ADGRG4: variants seen among roughly 807,000 people sequenced by gnomAD.
ADGRG4 encodes the protein adhesion G protein-coupled receptor G4.
ADGRG4 carries 122 observed loss-of-function variants against 126.2 expected under a neutral mutation model. That is an observed-to-expected ratio of 0.97 (90% CI 0.83 to 1.12). ADGRG4 has a LOEUF of 1.12. Ranked by LOEUF, ADGRG4 falls within the 50% of genes most tolerant of loss-of-function variation. The pLI is 0.00. For synonymous variants in ADGRG4, 943 were observed against 838.7 expected, an observed-to-expected ratio of 1.12 and a Z score of -2.15; for missense variants, 2,481 against 2,251.8, an observed-to-expected ratio of 1.10 and a Z score of -2.06.
At chrX:136,411,675 C>T (rs2075447082) in intron 23 of ADGRG4, among the ~76,000 whole-genome samples, 1 of 112,562 alleles carries the variant, frequency 8.9e-6, no homozygotes, top group Non-Finnish European at 1.9e-5. Flanking sequence ...GACTCAGGGA[C>T]TGTCGTGAAG....
At chrX:136,307,227 A>G (rs186905386) in intron 3 of ADGRG4, among the ~76,000 whole-genome samples, 1 of 112,313 alleles carries the variant, frequency 8.9e-6, no homozygotes, top group Non-Finnish European at 1.9e-5. Context: ...TGCTTTGAAA[A>G]TTGCCTTCGA....
intron 15 of ADGRG4, among the ~76,000 whole-genome samples, chrX:136,378,385 G>A (rs1484110582): frequency 9.0e-6 from 1 of 111,240 alleles, no homozygotes; most frequent in Non-Finnish European, 1.9e-5. Flanking sequence ...TCTAGTAATT[G>A]TTTTAGAGAT....
At chrX:136,416,245 C>T (rs1300037507) in intron 25 of ADGRG4, among the ~76,000 whole-genome samples, 2 of 111,703 alleles carry the variant, frequency 1.8e-5, no homozygotes, top group African/African-American at 6.5e-5. Context: ...GTAGGAAGAA[C>T]ATATGCACTG....
intron 23 of ADGRG4, among the ~76,000 whole-genome samples, chrX:136,411,948 T>TG (rs376806321): frequency 1.8e-5 from 2 of 113,037 alleles, no homozygotes; most frequent in African/African-American, 6.4e-5. Flanking sequence ...ATTGGTACAA[T>TG]GTGGAAGTAA....
intron 5 of ADGRG4, among the ~76,000 whole-genome samples, chrX:136,329,793 C>T (rs1384775697): frequency 9.1e-6 from 1 of 110,251 alleles, no homozygotes; most frequent in African/African-American, 3.3e-5. Context: ...CTGCTTCAGC[C>T]ACCCCACCCC....
chrX:136,386,635 G>A (rs1344036447), intron 15 of ADGRG4, among the ~76,000 whole-genome samples: 2 of 111,656 alleles, frequency 1.8e-5, no homozygotes, highest in Non-Finnish European at 3.8e-5. Flanking sequence ...ATCTTTCTAC[G>A]CCATTTCCTG....
At chrX:136,357,816 A>G (rs759809674) in intron 10 of ADGRG4, 60 bp downstream of exon 10, 19 of 839,399 alleles carry the variant, frequency 2.3e-5, no homozygotes, top group African/African-American at 4.0e-5. Context: ...TTTTCCTTCC[A>G]TTTAATTCTG....
chrX:136,305,918 A>G (rs1049357918), intron 3 of ADGRG4: 1 of 111,992 alleles, frequency 8.9e-6, no homozygotes, highest in African/African-American at 3.2e-5. Context: ...TGCTGATTTT[A>G]TGCTCAGGAG....
At chrX:136,416,035 A>C (rs2148504828) in intron 25 of ADGRG4, among the ~76,000 whole-genome samples, 1 of 112,019 alleles carries the variant, frequency 8.9e-6, no homozygotes, top group South Asian at 3.8e-4. Context: ...AGAGTGAAAA[A>C]TCATGCCCTC....
chrX:136,364,761 T>C (rs1432661739), intron 13 of ADGRG4, among the ~76,000 whole-genome samples: 2 of 112,389 alleles, frequency 1.8e-5, no homozygotes, highest in African/African-American at 6.5e-5. Flanking sequence ...TTAGCTTTTA[T>C]TTTTGTTTGT....
At chrX:136,380,932 G>A (rs143159427) in intron 15 of ADGRG4, among the ~76,000 whole-genome samples, 46 of 108,674 alleles carry the variant, frequency 4.2e-4, no homozygotes, top group African/African-American at 1.5e-3. Context: ...TGCCCACAGT[G>A]GTCTCGAACT....
rs775460145 is a variant in ADGRG4 at position 136,351,515 on chromosome X, G to A, written c.6796G>A (p.Val2266Ile). 1.9e-5 allele frequency: 22 copies of A among 1,131,487 alleles called. No homozygotes were observed. Among genetic ancestry groups the A allele is most frequent in the Non-Finnish European group, 2.4e-5 (20 of 843,685 alleles). The allele number at this position is 1,131,487 out of a possible 1,213,427, so 93.2% of individuals were successfully genotyped here. A position where few individuals can be genotyped will look rare whatever the true frequency, so the allele number is the denominator to read the frequency against. The change falls in exon 7 of 26, where the codon GTT (valine) becomes ATT (isoleucine). Residue 2266 changes from valine (V) to isoleucine (I), a missense_variant. Val to Ile is a conservative substitution (Grantham distance 29). Transcript: ENST00000394143. ...VEEPRIPITS[V>I]INEFTENSLN... ...AGAGCCAAGGATCCCTATTACCAGT[G>A]TTATAAATGAATTTACGGAAAATTC... is the stretch of plus-strand genomic sequence containing the variant.
chrX:136,384,261 A>G (rs1569334132), intron 15 of ADGRG4, among the ~76,000 whole-genome samples: 1 of 110,136 alleles, frequency 9.1e-6, no homozygotes, highest in Non-Finnish European at 1.9e-5. Context: ...ACACTTGTAT[A>G]TTTTTTTACA....
intron 5 of ADGRG4, among the ~76,000 whole-genome samples, chrX:136,336,640 A>G (rs746867998): frequency 9.0e-6 from 1 of 111,345 alleles, no homozygotes; most frequent in Non-Finnish European, 1.9e-5. Context: ...ACTCTAGTGA[A>G]TATTATTATA....
chrX:136,389,908 G>A (rs890662472), intron 16 of ADGRG4, among the ~76,000 whole-genome samples: 1 of 112,045 alleles, frequency 8.9e-6, no homozygotes, highest in Non-Finnish European at 1.9e-5. Context: ...TGGGGAAAGA[G>A]TACTTACAAA....
intron 5 of ADGRG4, among the ~76,000 whole-genome samples, chrX:136,325,499 C>G (rs773261210): frequency 3.6e-5 from 4 of 111,630 alleles, no homozygotes; most frequent in South Asian, 7.5e-4. Context: ...TAAGCCTGAA[C>G]AGCTCACCCA....
chrX:136,410,018 C>T (rs1233857278), intron 23 of ADGRG4, among the ~76,000 whole-genome samples: 1 of 112,416 alleles, frequency 8.9e-6, no homozygotes, highest in Non-Finnish European at 1.9e-5. Flanking sequence ...CAAGTTCCCT[C>T]AACTATAAAA....
intron 8 of ADGRG4, among the ~76,000 whole-genome samples, chrX:136,355,065 C>T (rs777214285): frequency 4.5e-5 from 5 of 111,975 alleles, no homozygotes; most frequent in South Asian, 3.8e-4. Flanking sequence ...ATTAGAGTTC[C>T]GCCTTGGGGC....
chrX:136,403,118 T>C, intron 21 of ADGRG4, 126 bp from the exon 22 acceptor site: 1 of 487,742 alleles, frequency 2.1e-6, no homozygotes, highest in Non-Finnish European at 3.6e-6. Flanking sequence ...CAAACAATAG[T>C]ATTTTGATGC....
Sources: gnomAD v4.1 joint callset for allele counts (sites outside exome capture counted in the v4.1 genomes callset) on GRCh38, gnomAD v4.1.1 for gene constraint, MANE v1.5 for transcripts, NCBI Gene and HGNC (gene_info 2026-07-23, HGNC 2026-07-21) for gene names.